Variants in GSE1 observed in about 807,000 individuals in gnomAD.
GSE1 encodes genetic suppressor element 1.
GSE1 carries 32 observed loss-of-function variants against 112.6 expected under a neutral mutation model. The observed-to-expected ratio is 0.28, with a 90% confidence interval of 0.21 to 0.38. The LOEUF (loss-of-function observed/expected upper bound fraction) is 0.38. GSE1 is among the 10% of genes least tolerant of loss of function. The pLI, the probability that GSE1 is intolerant of heterozygous loss-of-function variation, is 1.00. For synonymous variants in GSE1, 1,115 were observed against 735.6 expected (o/e 1.52, Z -8.35); for missense variants, 2,348 against 1,699.2 (o/e 1.38, Z -6.71).
chr16:85,575,007 G>T (rs2046165129), intron 1 of GSE1, among the ~76,000 whole-genome samples: 1 of 152,210 alleles, frequency 6.6e-6, no homozygotes, highest in Non-Finnish European at 1.5e-5. Context: ...TTGCTTCAAA[G>T]GTTAATCCCC....
intron 1 of GSE1, among the ~76,000 whole-genome samples, chr16:85,357,188 A>G (rs2046967593): frequency 6.6e-6 from 1 of 152,166 alleles, no homozygotes. Flanking sequence ...CCAGTTTTGG[A>G]TGGCCAAGAA....
intron 2 of GSE1, among the ~76,000 whole-genome samples, chr16:85,542,617 G>A (rs1286514896): frequency 6.6e-6 from 1 of 152,262 alleles, no homozygotes; most frequent in South Asian, 2.1e-4. Flanking sequence ...CATGGGTTGG[G>A]ACTGTGACTG....
At position 85,287,457 on chromosome 16, in the gene GSE1, G is replaced by A. The variant is rs113792726; in HGVS notation, c.2284-70006G>A. ...TGATCCACCCACACCCCCGCCTCTG[G>A]CTTCATCTCCTCCACGCACCCGCTC... On this transcript the variant is annotated intron_variant, in intron 1 of 2. Coordinates refer to the GSE1 transcript ENST00000637419. 2.8e-3 allele frequency among the ~76,000 whole-genome samples: 430 copies of A among 152,174 alleles called. 4 individuals are homozygous for A. Among genetic ancestry groups the A allele is most frequent in the African/African-American group, 9.8e-3 (407 of 41,538 alleles).
At chr16:85,458,035 G>A (rs942990771) in intron 2 of GSE1, among the ~76,000 whole-genome samples, 7 of 152,162 alleles carry the variant, frequency 4.6e-5, no homozygotes, top group Admixed American at 2.0e-4. Context: ...CCATCCTGGT[G>A]CACCCTGGTT....
intron 1 of GSE1, among the ~76,000 whole-genome samples, chr16:85,561,416 C>T (rs2045516330): frequency 6.6e-6 from 1 of 152,072 alleles, no homozygotes; most frequent in African/African-American, 2.4e-5. Flanking sequence ...CAGCGGCGCC[C>T]TCCGAGCCCC....
chr16:85,292,432 G>A (rs1241161284), intron 1 of GSE1, among the ~76,000 whole-genome samples: 4 of 151,668 alleles, frequency 2.6e-5, no homozygotes, highest in Non-Finnish European at 4.4e-5. Context: ...GGGTTCAAGC[G>A]ATTCTCCTGC....
intron 1 of GSE1, among the ~76,000 whole-genome samples, chr16:85,620,922 C>T (rs745995870): frequency 6.6e-6 from 1 of 151,714 alleles, no homozygotes; most frequent in African/African-American, 2.4e-5. Flanking sequence ...TTGGGGAAGC[C>T]GTGTAGATGG....
intron 2 of GSE1, among the ~76,000 whole-genome samples, chr16:85,636,739 C>T (rs766549965): frequency 1.1e-4 from 17 of 152,210 alleles, no homozygotes; most frequent in South Asian, 2.1e-4. Context: ...CTGGTGGTCC[C>T]GGCGGTCCCT....
intron 1 of GSE1, among the ~76,000 whole-genome samples, chr16:85,220,103 C>G (rs1406664700): frequency 1.3e-5 from 2 of 152,208 alleles, no homozygotes; most frequent in Non-Finnish European, 2.9e-5. Flanking sequence ...GGGCCAGCAC[C>G]CCACCCTCGG....
intron 3 of GSE1, among the ~76,000 whole-genome samples, chr16:85,652,821 G>A (rs529317470): frequency 1.3e-5 from 2 of 152,180 alleles, no homozygotes; most frequent in African/African-American, 4.8e-5. Flanking sequence ...TGATCTTGTG[G>A]GGAGACGGCC....
chr16:85,332,394 T>C (rs1044401511), intron 1 of GSE1, among the ~76,000 whole-genome samples: 1 of 152,198 alleles, frequency 6.6e-6, no homozygotes, highest in Non-Finnish European at 1.5e-5. Context: ...CTTAACTCAC[T>C]GAATCCTCCA....
chr16:85,640,808 C>T (rs758581351), intron 2 of GSE1, among the ~76,000 whole-genome samples: 1 of 152,254 alleles, frequency 6.6e-6, no homozygotes, highest in Non-Finnish European at 1.5e-5. Context: ...TCTGCGGCGG[C>T]GGCGGCTCTG....
rs569508629 is a variant in GSE1 at position 85,477,649 on chromosome 16, C to T, written c.2464+120006C>T. On this transcript the variant is annotated intron_variant, in intron 2 of 2. Transcript: ENST00000637419. ...GATCTCGGCTCACCGCAACCTCCAC[C>T]TGCTGGGTTCAAGTGATTCTCCTGC... 2.6e-5 allele frequency among the ~76,000 whole-genome samples: 4 copies of T among 151,782 alleles called. No homozygotes were observed. The South Asian group carries it at 8.3e-4, about 32-fold the overall frequency.
chr16:85,468,043 CTG>C (rs2050174271), intron 2 of GSE1, among the ~76,000 whole-genome samples: 1 of 152,190 alleles, frequency 6.6e-6, no homozygotes, highest in South Asian at 2.1e-4. Flanking sequence ...CCATCCCTCA[CTG>C]TGTCCCTGGA....
chr16:85,543,489 C>T (rs1279619109), intron 2 of GSE1, among the ~76,000 whole-genome samples: 1 of 152,214 alleles, frequency 6.6e-6, no homozygotes, highest in Non-Finnish European at 1.5e-5. Flanking sequence ...GAGTCCACAC[C>T]CCATTCCCCA....
chr16:85,383,122 C>T (rs1253943706), intron 2 of GSE1, among the ~76,000 whole-genome samples: 1 of 151,950 alleles, frequency 6.6e-6, no homozygotes, highest in Non-Finnish European at 1.5e-5. Flanking sequence ...ACACACAGCT[C>T]TTGACACAAA....
At chr16:85,253,457 C>T (rs928184985) in intron 1 of GSE1, among the ~76,000 whole-genome samples, 6 of 152,228 alleles carry the variant, frequency 3.9e-5, no homozygotes, top group Non-Finnish European at 5.9e-5. Context: ...GCTGCAGCCA[C>T]CTCTGCTGTC....
At chr16:85,420,887 TGCG>T (rs1385870216) in intron 2 of GSE1, among the ~76,000 whole-genome samples, 1 of 152,032 alleles carries the variant, frequency 6.6e-6, no homozygotes, top group Non-Finnish European at 1.5e-5. Context: ...CCCTACCGGC[TGCG>T]GCGGCGATGG....
At chr16:85,222,531 C>T (rs900242897) in intron 1 of GSE1, among the ~76,000 whole-genome samples, 2 of 152,214 alleles carry the variant, frequency 1.3e-5, no homozygotes, top group African/African-American at 4.8e-5. Flanking sequence ...GGAAAAACAC[C>T]GCCAGGAGGC....
Sources: gnomAD v4.1 joint callset for allele counts (sites outside exome capture counted in the v4.1 genomes callset) on GRCh38, gnomAD v4.1.1 for gene constraint, MANE v1.5 for transcripts, NCBI Gene and HGNC (gene_info 2026-07-23, HGNC 2026-07-21) for gene names.